PDE1A: variants seen among roughly 807,000 people sequenced by gnomAD.
PDE1A encodes the protein dual specificity calcium/calmodulin-dependent 3',5'-cyclic nucleotide phosphodiesterase 1A.
Under a neutral mutation model 61.7 loss-of-function variants are expected in PDE1A, and 35 were observed. The observed-to-expected ratio is 0.57, with a 90% CI of 0.43 to 0.75. The LOEUF (loss-of-function observed/expected upper bound fraction) is 0.75. Among genes scored for constraint, PDE1A ranks in the 30% least tolerant of loss-of-function variants. The probability of loss-of-function intolerance (pLI) is 0.00; values close to 1 mark genes in which losing one functional copy is unlikely to be tolerated. For missense variants in PDE1A, 597 were observed against 630.6 expected, an observed-to-expected ratio of 0.95 and a Z score of 0.57; for synonymous variants, 232 against 213.2, an observed-to-expected ratio of 1.09 and a Z score of -0.77.
At chr2:182,264,351 A>G (rs1394065106) in exon 2 of PDE1A, 5 of 1,613,654 alleles carry the variant, frequency 3.1e-6, no homozygotes, top group Non-Finnish European at 4.2e-6. Flanking sequence ...CATATTCAAT[A>G]TTCTTCTTTA....
At chr2:182,614,128 T>C in the PDE1A span, among the ~76,000 whole-genome samples, 1 of 152,266 alleles carries the variant, frequency 6.6e-6, no homozygotes, top group Admixed American at 6.5e-5. Context: ...ATGTATATTT[T>C]ATTTTCCAAT....
At chr2:182,211,181 C>G (rs951577990) in intron 7 of PDE1A, among the ~76,000 whole-genome samples, 15 of 152,202 alleles carry the variant, frequency 9.9e-5, no homozygotes, top group Admixed American at 5.2e-4. Context: ...GAAACACATT[C>G]AAACCATAGC....
At chr2:182,582,663 G>A in the PDE1A span, among the ~76,000 whole-genome samples, 3 of 152,198 alleles carry the variant, frequency 2.0e-5, no homozygotes, top group African/African-American at 7.2e-5. Flanking sequence ...CTGCAAGGAA[G>A]AGAGTGCCCT....
intron 1 of PDE1A, among the ~76,000 whole-genome samples, chr2:182,375,542 C>T (rs1700352931): frequency 6.6e-6 from 1 of 152,224 alleles, no homozygotes; most frequent in Non-Finnish European, 1.5e-5. Flanking sequence ...TGTGGCTTTG[C>T]AGGGTACTGT....
chr2:182,284,091 G>A (rs1694002491), intron 1 of PDE1A, among the ~76,000 whole-genome samples: 1 of 152,024 alleles, frequency 6.6e-6, no homozygotes, highest in African/African-American at 2.4e-5. Flanking sequence ...CCTATTGCAA[G>A]AATCAGTCTG....
At chr2:182,406,313 C>T (rs1702293975) in intron 1 of PDE1A, among the ~76,000 whole-genome samples, 2 of 151,782 alleles carry the variant, frequency 1.3e-5, no homozygotes, top group Non-Finnish European at 2.9e-5. Flanking sequence ...ATAAACCTAA[C>T]AGAGTAGTTT....
chr2:182,422,501 G>A (rs1016333039), intron 1 of PDE1A, among the ~76,000 whole-genome samples: 2 of 152,132 alleles, frequency 1.3e-5, no homozygotes, highest in African/African-American at 4.8e-5. Flanking sequence ...TTTTACTGGT[G>A]CAATTTTACT....
chr2:182,377,850 C>T (rs1403457050), intron 1 of PDE1A, among the ~76,000 whole-genome samples: 1 of 151,028 alleles, frequency 6.6e-6, no homozygotes, highest in Non-Finnish European at 1.5e-5. Flanking sequence ...GCAATTCAGA[C>T]AGTTTTTTTT....
exon 1 of PDE1A, chr2:182,426,852 A>G: frequency 7.3e-7 from 1 of 1,364,664 alleles, no homozygotes; most frequent in Non-Finnish European, 9.4e-7. Context: ...GCACTCCCCC[A>G]CAGAGCAGGG....
At chr2:182,647,508 G>T in the PDE1A span, among the ~76,000 whole-genome samples, 3 of 152,056 alleles carry the variant, frequency 2.0e-5, no homozygotes, top group Admixed American at 2.0e-4. Flanking sequence ...TCAATTTAAG[G>T]GTTATTGAGG....
At chr2:182,155,655 A>G (rs1691038427) in intron 13 of PDE1A, among the ~76,000 whole-genome samples, 1 of 152,160 alleles carries the variant, frequency 6.6e-6, no homozygotes, top group South Asian at 2.1e-4. Flanking sequence ...TTTGGGAGGC[A>G]GAGCCTGGTG....
intron 2 of PDE1A, among the ~76,000 whole-genome samples, chr2:182,435,715 C>A (rs1178445194): frequency 6.6e-6 from 1 of 152,088 alleles, no homozygotes; most frequent in African/African-American, 2.4e-5. Context: ...TGGTTAGTTT[C>A]TCTGAAACTC....
chr2:182,349,965 C>A (rs893103155), intron 1 of PDE1A, among the ~76,000 whole-genome samples: 3 of 151,954 alleles, frequency 2.0e-5, no homozygotes, highest in Admixed American at 2.0e-4. Context: ...TAAGTTACAA[C>A]CTGATGAGCT....
At chr2:182,466,201 C>T (rs1026865109) in intron 2 of PDE1A, among the ~76,000 whole-genome samples, 1 of 152,034 alleles carries the variant, frequency 6.6e-6, no homozygotes, top group African/African-American at 2.4e-5. Context: ...CTTGTACTTA[C>T]CACAAGTTTC....
chr2:182,437,897 T>G (rs764253828), intron 2 of PDE1A, among the ~76,000 whole-genome samples: 2 of 152,022 alleles, frequency 1.3e-5, no homozygotes, highest in Non-Finnish European at 2.9e-5. Context: ...TTTATGGAGA[T>G]TCTGAATTCA....
chr2:182,159,991 C>G (rs936792312), intron 13 of PDE1A, among the ~76,000 whole-genome samples: 2 of 152,096 alleles, frequency 1.3e-5, no homozygotes, highest in African/African-American at 2.4e-5. Flanking sequence ...ATGCCAAGTT[C>G]TAAACACTTT....
intron 1 of PDE1A, among the ~76,000 whole-genome samples, chr2:182,421,962 T>C (rs17343416): frequency 0.39 from 59,019 of 152,014 alleles, 12,368 homozygotes; most frequent in East Asian, 0.75. Flanking sequence ...AAAATATGCC[T>C]GCCAAATACA....
chr2:182,459,859 AATCTTCCCCATTG>A (rs1459267941), intron 2 of PDE1A, among the ~76,000 whole-genome samples: 2 of 152,194 alleles, frequency 1.3e-5, no homozygotes, highest in African/African-American at 4.8e-5. Flanking sequence ...AGAGAATAGT[AATCTTCCCCATTG>A]TGCTTAGCAC....
At chr2:182,400,707 G>GT (rs2125445462) in intron 1 of PDE1A, among the ~76,000 whole-genome samples, 1 of 152,286 alleles carries the variant, frequency 6.6e-6, no homozygotes, top group Admixed American at 6.5e-5. Context: ...GTTTAATACA[G>GT]TAAGAGGAAG....
Sources: gnomAD v4.1 joint callset for allele counts (sites outside exome capture counted in the v4.1 genomes callset) on GRCh38, gnomAD v4.1.1 for gene constraint, MANE v1.5 for transcripts, NCBI Gene and HGNC (gene_info 2026-07-23, HGNC 2026-07-21) for gene names.